Variants in SND1 observed in about 807,000 individuals in gnomAD.
SND1 encodes the protein staphylococcal nuclease and tudor domain containing 1.
In SND1, 38 loss-of-function variants were observed where a neutral mutation model predicts 121.7. The observed-to-expected ratio is 0.31, with a 90% CI of 0.24 to 0.41. The LOEUF (loss-of-function observed/expected upper bound fraction) is 0.41, where lower values mean the gene tolerates loss of function less well. SND1 is among the 10% of genes least tolerant of loss of function. SND1 has a pLI of 1.00. For missense variants in SND1, 868 were observed against 1,184.6 expected (o/e 0.73, Z 3.92); for synonymous variants, 401 against 447.4 (o/e 0.90, Z 1.31).
chr7:127,938,644 A>G (rs1801116286), intron 15 of SND1, among the ~76,000 whole-genome samples: 2 of 152,252 alleles, frequency 1.3e-5, no homozygotes, highest in Admixed American at 1.3e-4. Flanking sequence ...AGAAATGGAC[A>G]TATTAATCAA....
At chr7:127,920,703 C>G (rs1449490705) in intron 14 of SND1, among the ~76,000 whole-genome samples, 1 of 152,106 alleles carries the variant, frequency 6.6e-6, no homozygotes, top group African/African-American at 2.4e-5. Flanking sequence ...ATAGCTGCCT[C>G]TCACCCAAGT....
chr7:127,818,284 G>A (rs1428654263), intron 11 of SND1, among the ~76,000 whole-genome samples: 1 of 152,108 alleles, frequency 6.6e-6, no homozygotes, highest in African/African-American at 2.4e-5. Flanking sequence ...CATGCTTGTT[G>A]CCTAGTGTGA....
rs3808070 is a variant in SND1 at position 127,968,575 on chromosome 7, C to A, written c.1670-22372C>A. On this transcript the variant is annotated intron_variant, in intron 15 of 23. Transcript: ENST00000354725. ...ATCACAATTTAAATTAAAACCAAATCTGGTTGATATTGTGAAATGTTATGT... is the reference window on the plus strand; with the variant it reads ...ATCACAATTTAAATTAAAACCAAATATGGTTGATATTGTGAAATGTTATGT... Among the ~76,000 whole-genome samples, 100 of 152,312 alleles carry A rather than the reference C, an allele frequency of 6.6e-4. 2 individuals are homozygous for A. In the East Asian group the frequency reaches 0.017, roughly 26 times the overall value.
In SND1 at chr7:128,081,346, G is replaced by T. The variant is rs202074691; in HGVS notation, c.1969-14G>T. ...TCCTCGCCCTCTTCTCACCTCTGCC[G>T]ACTGAACATGCAGGTCTGGGCCCAC... On this transcript the variant is annotated splice_polypyrimidine_tract_variant and intron_variant, in intron 17 of 23. Transcript: ENST00000354725. 3.7e-6 allele frequency: 6 copies of T among 1,613,822 alleles called. No homozygotes were observed. The highest frequency in any genetic ancestry group is 5.1e-6 in the Non-Finnish European group (6 of 1,179,910).
intron 21 of SND1, among the ~76,000 whole-genome samples, chr7:128,087,716 G>A (rs755603299): frequency 1.3e-5 from 2 of 152,182 alleles, no homozygotes; most frequent in African/African-American, 2.4e-5. Flanking sequence ...AAAACCATGC[G>A]GTGTACAAGA....
At chr7:128,073,439 G>T (rs1473381231) in intron 16 of SND1, among the ~76,000 whole-genome samples, 2 of 152,126 alleles carry the variant, frequency 1.3e-5, no homozygotes, top group Non-Finnish European at 2.9e-5. Flanking sequence ...CTCGGGCCCT[G>T]CCTGTTTTCC....
intron 2 of SND1, among the ~76,000 whole-genome samples, chr7:127,689,020 G>A (rs935110002): frequency 6.6e-6 from 1 of 152,162 alleles, no homozygotes; most frequent in Non-Finnish European, 1.5e-5. Context: ...ACAGCAATCA[G>A]ACTAAATAGA....
At chr7:127,933,598 G>A (rs1028517775) in intron 15 of SND1, among the ~76,000 whole-genome samples, 11 of 152,204 alleles carry the variant, frequency 7.2e-5, no homozygotes, top group Non-Finnish European at 1.5e-4. Context: ...ACTGGGAATT[G>A]TTTCCTGCCT....
intron 11 of SND1, among the ~76,000 whole-genome samples, chr7:127,807,904 GGGCTAT>G (rs772251964): frequency 8.5e-4 from 129 of 152,184 alleles, no homozygotes; most frequent in Non-Finnish European, 1.7e-3. Context: ...TAAATGTCCA[GGGCTAT>G]GGAATTTACT....
intron 1 of SND1, among the ~76,000 whole-genome samples, chr7:127,661,992 T>C (rs1243648060): frequency 1.3e-5 from 2 of 152,062 alleles, no homozygotes; most frequent in Admixed American, 1.3e-4. Context: ...GGTGCGTGCC[T>C]GTAATCCCGG....
intron 9 of SND1, among the ~76,000 whole-genome samples, chr7:127,709,662 T>C (rs1368077158): frequency 1.3e-5 from 2 of 152,168 alleles, no homozygotes; most frequent in Non-Finnish European, 2.9e-5. Context: ...TAGGATCTGT[T>C]TTTTCTTTAA....
At chr7:127,775,570 C>T (rs1424838726) in intron 10 of SND1, among the ~76,000 whole-genome samples, 2 of 152,004 alleles carry the variant, frequency 1.3e-5, no homozygotes, top group African/African-American at 4.8e-5. Flanking sequence ...TACAACGTTT[C>T]GTTTCATACT....
At chr7:128,045,068 G>A (rs1175597063) in intron 16 of SND1, among the ~76,000 whole-genome samples, 1 of 152,136 alleles carries the variant, frequency 6.6e-6, no homozygotes, top group African/African-American at 2.4e-5. Flanking sequence ...GGAAACTAGA[G>A]GCAGATACGA....
chr7:127,722,192 A>T (rs1796506310), intron 10 of SND1, among the ~76,000 whole-genome samples: 1 of 152,152 alleles, frequency 6.6e-6, no homozygotes, highest in Non-Finnish European at 1.5e-5. Context: ...TATGTTAACT[A>T]GTTATAGAAC....
intron 10 of SND1, among the ~76,000 whole-genome samples, chr7:127,769,015 G>A (rs776789533): frequency 3.7e-4 from 56 of 152,172 alleles, no homozygotes; most frequent in Admixed American, 3.0e-3. Flanking sequence ...ATACCAATAA[G>A]TTAAATATGT....
rs191955642 is a variant in SND1, at chr7:127,788,742, C to T, written c.1153-18742C>T. Among the ~76,000 whole-genome samples, 40 of 152,222 alleles carry T rather than the reference C, an allele frequency of 2.6e-4. 2 individuals are homozygous for T. The highest frequency in any genetic ancestry group is 9.6e-4 in the African/African-American group (40 of 41,524). The stretch of plus-strand genomic sequence containing the variant: ...CTCTTCTCTTTGGGATCACTGGTGC[C>T]CTGATTCTCCTGGCTCTTTTCCTTT... On this transcript the variant is annotated intron_variant, in intron 10 of 23. Transcript: ENST00000354725.
At chr7:127,839,928 A>G (rs1355212524) in intron 11 of SND1, among the ~76,000 whole-genome samples, 3 of 152,240 alleles carry the variant, frequency 2.0e-5, no homozygotes, top group East Asian at 1.9e-4. Context: ...TATTTTTACT[A>G]TATAAAACAG....
Position 127,664,131 on chromosome 7 carries a change from T to C in SND1, c.78+11680T>C, listed in dbSNP as rs1795368507. On this transcript the variant is annotated intron_variant, in intron 1 of 23. Coordinates refer to ENST00000354725, the MANE Select transcript of SND1 (RefSeq NM_014390.4). ...GCCTCAGCCTGCCAGGCTTAAGACATCCTCTGGCTAATTTTTGTATTTTTT... is the reference window on the plus strand; with the variant it reads ...GCCTCAGCCTGCCAGGCTTAAGACACCCTCTGGCTAATTTTTGTATTTTTT... 2.0e-5 allele frequency among the ~76,000 whole-genome samples: 3 copies of C among 152,150 alleles called. No individual in the cohort carries two copies. The South Asian group carries it at 6.2e-4, about 32-fold the overall frequency.
intron 10 of SND1, among the ~76,000 whole-genome samples, chr7:127,728,800 A>G (rs1306521473): frequency 6.6e-6 from 1 of 152,130 alleles, no homozygotes; most frequent in African/African-American, 2.4e-5. Context: ...AGTGGGCATC[A>G]TTTTTACCAC....
Sources: gnomAD v4.1 joint callset for allele counts (sites outside exome capture counted in the v4.1 genomes callset) on GRCh38, gnomAD v4.1.1 for gene constraint, MANE v1.5 for transcripts, NCBI Gene and HGNC (gene_info 2026-07-23, HGNC 2026-07-21) for gene names.